The following BBS9 variants were observed in gnomAD, a reference collection of about 807,000 sequenced individuals.
The protein encoded by BBS9 is protein PTHB1.
A neutral mutation model predicts 117.7 loss-of-function variants in BBS9; 89 were observed. That is an observed-to-expected ratio of 0.76 (90% confidence interval 0.64 to 0.90). BBS9 has a LOEUF of 0.90. Among genes scored for constraint, BBS9 ranks in the 40% least tolerant of loss-of-function variants. The probability of loss-of-function intolerance (pLI) is 0.00; values close to 1 mark genes in which losing one functional copy is unlikely to be tolerated. For synonymous variants in BBS9, 379 were observed against 370.9 expected, an observed-to-expected ratio of 1.02 and a Z score of -0.25; for missense variants, 982 against 1,042.2, an observed-to-expected ratio of 0.94 and a Z score of 0.80.
intron 19 of BBS9, among the ~76,000 whole-genome samples, chr7:33,414,622 A>G (rs1831681986): frequency 6.6e-6 from 1 of 152,192 alleles, no homozygotes; most frequent in African/African-American, 2.4e-5. Flanking sequence ...TCATGTCATT[A>G]TAAATATTAT....
At chr7:33,255,879 T>G (rs11770322) in intron 5 of BBS9, among the ~76,000 whole-genome samples, 21,244 of 152,180 alleles carry the variant, frequency 0.14, 1,821 homozygotes, top group Non-Finnish European at 0.18. Context: ...AAGCTTAGGC[T>G]GGGCGTGGTG....
chr7:33,448,691 A>G (rs1431097429), intron 19 of BBS9, among the ~76,000 whole-genome samples: 1 of 152,228 alleles, frequency 6.6e-6, no homozygotes, highest in Non-Finnish European at 1.5e-5. Flanking sequence ...TCCTTTCTAA[A>G]GAATAGGAAT....
chr7:33,445,058 G>A (rs1836790329), intron 19 of BBS9, among the ~76,000 whole-genome samples: 1 of 152,158 alleles, frequency 6.6e-6, no homozygotes, highest in Admixed American at 6.5e-5. Flanking sequence ...GAAGTGAGTG[G>A]AGAAAGGAGA....
intron 17 of BBS9, among the ~76,000 whole-genome samples, chr7:33,374,414 G>A (rs955977217): frequency 3.3e-5 from 5 of 152,008 alleles, no homozygotes; most frequent in African/African-American, 1.2e-4. Flanking sequence ...CTCATGCCCC[G>A]AGAATAGTTT....
At chr7:33,578,285 G>T (rs1859286004) in intron 21 of BBS9, among the ~76,000 whole-genome samples, 1 of 152,206 alleles carries the variant, frequency 6.6e-6, no homozygotes, top group Admixed American at 6.5e-5. Flanking sequence ...TTGCAGTACA[G>T]TGGTGAGGTA....
At chr7:33,200,415 A>G (rs1274754934) in intron 5 of BBS9, among the ~76,000 whole-genome samples, 2 of 152,144 alleles carry the variant, frequency 1.3e-5, no homozygotes, top group African/African-American at 4.8e-5. Context: ...TAAATCTTCC[A>G]TGACTTCTCA....
At chr7:33,428,428 T>C (rs1490406975) in intron 19 of BBS9, among the ~76,000 whole-genome samples, 1 of 152,206 alleles carries the variant, frequency 6.6e-6, no homozygotes, top group Non-Finnish European at 1.5e-5. Flanking sequence ...TGCACATCCT[T>C]TTCTCACACC....
chr7:33,367,962 C>A, intron 17 of BBS9, 100 bp downstream of exon 17: 1 of 948,788 alleles, frequency 1.1e-6, no homozygotes, highest in Non-Finnish European at 1.7e-6. Context: ...GGGTGATGTT[C>A]ATTTAGATTT....
At chr7:33,633,432 C>T (rs1053974261) in intron 21 of BBS9, among the ~76,000 whole-genome samples, 44 of 151,012 alleles carry the variant, frequency 2.9e-4, no homozygotes, top group Non-Finnish European at 8.8e-5. Context: ...ACTCAGCTGA[C>T]AGGTTTTGAA....
intron 9 of BBS9, among the ~76,000 whole-genome samples, chr7:33,284,732 G>A (rs966368171): frequency 6.6e-6 from 1 of 151,744 alleles, no homozygotes; most frequent in East Asian, 1.9e-4. Flanking sequence ...TCATTTCTTT[G>A]TCATTTGTTT....
intron 9 of BBS9, among the ~76,000 whole-genome samples, chr7:33,295,769 T>A (rs1164718969): frequency 6.6e-6 from 1 of 152,058 alleles, no homozygotes; most frequent in East Asian, 1.9e-4. Context: ...CTGACATCTG[T>A]TTGATCCAGA....
At chr7:33,323,702 G>C (rs1269435567) in intron 9 of BBS9, among the ~76,000 whole-genome samples, 1 of 151,570 alleles carries the variant, frequency 6.6e-6, no homozygotes, top group Admixed American at 6.6e-5. Context: ...TTAAGCCACT[G>C]TATGTCTTTT....
At chr7:33,313,912 G>A (rs1276610361) in intron 9 of BBS9, among the ~76,000 whole-genome samples, 1 of 152,148 alleles carries the variant, frequency 6.6e-6, no homozygotes, top group Non-Finnish European at 1.5e-5. Flanking sequence ...ACATACCTCA[G>A]TATAAATCAG....
intron 19 of BBS9, among the ~76,000 whole-genome samples, chr7:33,495,563 G>A (rs894183587): frequency 6.6e-6 from 1 of 152,076 alleles, no homozygotes; most frequent in African/African-American, 2.4e-5. Context: ...CTTTAATAGC[G>A]ATCTGTTCAA....
chr7:33,394,624 C>T (rs938798818), intron 19 of BBS9, among the ~76,000 whole-genome samples: 2 of 152,078 alleles, frequency 1.3e-5, no homozygotes, highest in African/African-American at 2.4e-5. Flanking sequence ...TTACTTCTAG[C>T]TTTGGAGGTA....
At chr7:33,555,028 G>A (rs898212877) in intron 21 of BBS9, among the ~76,000 whole-genome samples, 2 of 152,138 alleles carry the variant, frequency 1.3e-5, no homozygotes, top group Non-Finnish European at 1.5e-5. Flanking sequence ...CCTGAGATTC[G>A]TATAAATTTG....
chr7:33,591,151 C>CT (rs1382658233), intron 21 of BBS9, among the ~76,000 whole-genome samples: 4 of 150,996 alleles, frequency 2.6e-5, no homozygotes, highest in Non-Finnish European at 3.0e-5. Flanking sequence ...TAAATGATGA[C>CT]TTTTTTTTTA....
At chr7:33,516,669 T>C (rs905202479) in intron 20 of BBS9, among the ~76,000 whole-genome samples, 1 of 152,136 alleles carries the variant, frequency 6.6e-6, no homozygotes, top group Non-Finnish European at 1.5e-5. Flanking sequence ...TGTTTTTGAC[T>C]AGAAGCACAT....
intron 21 of BBS9, among the ~76,000 whole-genome samples, chr7:33,550,189 A>G (rs770462919): frequency 1.1e-4 from 16 of 152,208 alleles, no homozygotes; most frequent in Admixed American, 6.5e-4. Context: ...TACTCCCAGT[A>G]TCTGCTCGCT....
Sources: gnomAD v4.1 joint callset for allele counts (sites outside exome capture counted in the v4.1 genomes callset) on GRCh38, gnomAD v4.1.1 for gene constraint, MANE v1.5 for transcripts, NCBI Gene and HGNC (gene_info 2026-07-23, HGNC 2026-07-21) for gene names.